The following CCDC50 variants were observed in gnomAD, a reference collection of about 807,000 sequenced individuals.
CCDC50 encodes coiled-coil domain-containing protein 50.
Under a neutral mutation model 70.2 loss-of-function variants are expected in CCDC50, and 54 were observed. That is an observed-to-expected ratio of 0.77 (90% CI 0.62 to 0.96). The LOEUF (loss-of-function observed/expected upper bound fraction) is 0.96. Among genes scored for constraint, CCDC50 ranks in the 50% least tolerant of loss-of-function variants. CCDC50 has a pLI of 0.00. For missense variants in CCDC50, 558 were observed against 578.7 expected, an observed-to-expected ratio of 0.96 and a Z score of 0.37; for synonymous variants, 216 against 198.8, an observed-to-expected ratio of 1.09 and a Z score of -0.73.
At chr3:191,365,762 C>T (rs1008104864) in intron 4 of CCDC50, among the ~76,000 whole-genome samples, 1 of 152,054 alleles carries the variant, frequency 6.6e-6, no homozygotes, top group Non-Finnish European at 1.5e-5. Flanking sequence ...AACTCATTGC[C>T]ATTGGAGGAT....
chr3:191,389,419 C>T (rs1713605130), intron 10 of CCDC50, 77 bp from the exon 11 acceptor site: 1 of 1,236,774 alleles, frequency 8.1e-7, no homozygotes, highest in Admixed American at 1.7e-5. Context: ...ATGTTTTTAG[C>T]TTGCAATCCA....
At chr3:191,379,364 A>G (rs1176517368) in intron 6 of CCDC50, among the ~76,000 whole-genome samples, 3 of 152,106 alleles carry the variant, frequency 2.0e-5, no homozygotes, top group African/African-American at 7.2e-5. Context: ...TGAATAGTTA[A>G]TTTACTGAAA....
At chr3:191,332,967 A>G (rs1234862812) in intron 1 of CCDC50, among the ~76,000 whole-genome samples, 2 of 152,208 alleles carry the variant, frequency 1.3e-5, no homozygotes, top group Admixed American at 6.5e-5. Context: ...CATGCAGTGC[A>G]TGCTTTCAAC....
chr3:191,336,499 T>C (rs901652488), intron 1 of CCDC50, among the ~76,000 whole-genome samples: 5 of 152,184 alleles, frequency 3.3e-5, no homozygotes, highest in African/African-American at 1.2e-4. Context: ...AAATTTTAGC[T>C]CATTTTAAAA....
intron 6 of CCDC50, among the ~76,000 whole-genome samples, chr3:191,378,735 T>TTTTTTG (rs1553844199): frequency 4.7e-4 from 72 of 151,670 alleles, no homozygotes; most frequent in East Asian, 1.5e-3. Context: ...GCCACTGTTT[T>TTTTTTG]TTTGTTTGTT....
intron 9 of CCDC50, among the ~76,000 whole-genome samples, chr3:191,382,284 G>A (rs389765): frequency 0.58 from 87,843 of 152,048 alleles, 27,057 homozygotes; most frequent in African/African-American, 0.81. Flanking sequence ...ACTTGAATGT[G>A]CCTTAGTTTA....
intron 1 of CCDC50, among the ~76,000 whole-genome samples, chr3:191,342,072 G>C (rs1711751167): frequency 6.6e-6 from 1 of 152,196 alleles, no homozygotes; most frequent in African/African-American, 2.4e-5. Flanking sequence ...TTTTTAGTCA[G>C]TGAACATGAC....
chr3:191,342,817 T>A (rs1317779601), intron 1 of CCDC50, among the ~76,000 whole-genome samples: 1 of 152,230 alleles, frequency 6.6e-6, no homozygotes, highest in Non-Finnish European at 1.5e-5. Context: ...TGTGAAAAAT[T>A]GTTTTGAAAA....
intron 1 of CCDC50, among the ~76,000 whole-genome samples, chr3:191,340,944 T>C (rs1711706029): frequency 6.6e-6 from 1 of 152,136 alleles, no homozygotes; most frequent in Non-Finnish European, 1.5e-5. Flanking sequence ...CAAGTGATCC[T>C]TCTGCCTCAG....
At chr3:191,349,101 G>T (rs1469090234) in intron 1 of CCDC50, among the ~76,000 whole-genome samples, 6 of 140,870 alleles carry the variant, frequency 4.3e-5, no homozygotes, top group African/African-American at 1.5e-4. Context: ...TGGAGGAGGG[G>T]GTTGGTTTTG....
At chr3:191,343,780 A>G (rs1246469071) in intron 1 of CCDC50, among the ~76,000 whole-genome samples, 8 of 152,224 alleles carry the variant, frequency 5.3e-5, no homozygotes, top group African/African-American at 1.4e-4. Flanking sequence ...TACTTCAGTA[A>G]GTGCTTGGTA....
intron 2 of CCDC50, 114 bp downstream of exon 2, chr3:191,357,264 C>A: frequency 1.2e-6 from 1 of 809,676 alleles, no homozygotes; most frequent in Non-Finnish European, 2.1e-6. Flanking sequence ...CTTCACCATC[C>A]ATACATCCTG....
At chr3:191,341,096 T>G (rs2108635359) in intron 1 of CCDC50, among the ~76,000 whole-genome samples, 1 of 152,202 alleles carries the variant, frequency 6.6e-6, no homozygotes, top group South Asian at 2.1e-4. Flanking sequence ...CTGGGATCAT[T>G]TCTGCAGATT....
chr3:191,345,906 TTGA>T (rs1268488784), intron 1 of CCDC50, among the ~76,000 whole-genome samples: 3 of 149,380 alleles, frequency 2.0e-5, no homozygotes, highest in Non-Finnish European at 4.5e-5. Flanking sequence ...TGTAAAACTG[TTGA>T]TGATGCTATT....
Position 191,394,918 on chromosome 3 carries a change from A to G in CCDC50, c.*3158A>G, listed in dbSNP as rs1362110966. The G allele has an allele frequency of 6.6e-6, 1 of 152,192 alleles. No individual in the cohort carries two copies. Among genetic ancestry groups the G allele is most frequent in the Non-Finnish European group, 1.5e-5 (1 of 67,998 alleles). The allele number at this position is 152,192 out of a possible 1,614,324, so 9.4% of individuals were successfully genotyped here. On this transcript the variant is annotated 3_prime_UTR_variant, in exon 12 of 12. Transcript: ENST00000392455. ...TTTTCAGAAAGTGGCTTTACATACTATTGAATTGCTATTTCCCAAGTTACT... is the reference window on the plus strand; with the variant it reads ...TTTTCAGAAAGTGGCTTTACATACTGTTGAATTGCTATTTCCCAAGTTACT...
At chr3:191,334,463 G>A (rs78694997) in intron 1 of CCDC50, among the ~76,000 whole-genome samples, 20 of 152,110 alleles carry the variant, frequency 1.3e-4, no homozygotes, top group Admixed American at 5.2e-4. Flanking sequence ...TTTAAAAAGA[G>A]ATTTCAGAGT....
chr3:191,371,596 A>G (rs1236528892), intron 5 of CCDC50, among the ~76,000 whole-genome samples: 5 of 152,216 alleles, frequency 3.3e-5, no homozygotes, highest in Admixed American at 1.3e-4. Context: ...AAAGCAGTGT[A>G]TATGTAGATA....
intron 10 of CCDC50, among the ~76,000 whole-genome samples, chr3:191,384,370 T>TA (rs1713419122): frequency 6.6e-6 from 1 of 152,184 alleles, no homozygotes; most frequent in African/African-American, 2.4e-5. Flanking sequence ...CATATGTAGA[T>TA]ACCTTGCACA....
rs559911975 is a variant in CCDC50, at chr3:191,364,780, T to A, written c.330+3621T>A. 1.0e-3 allele frequency among the ~76,000 whole-genome samples: 159 copies of A among 151,480 alleles called. 1 individual carries two copies. Among genetic ancestry groups the A allele is most frequent in the African/African-American group, 3.6e-3 (148 of 41,296 alleles). ...AGATGTGGAAAAGTTGAAAAAAAAA[T>A]TTTTTTTTCGGTCTTTCTAGCTTTG... On this transcript the variant is annotated intron_variant, in intron 4 of 11. Transcript: ENST00000392455.
Sources: allele counts gnomAD v4.1 joint callset (sites outside exome capture counted in the v4.1 genomes callset), GRCh38; gene constraint gnomAD v4.1.1; transcripts MANE v1.5; gene names NCBI Gene and HGNC (gene_info 2026-07-23, HGNC 2026-07-21).